Variants in CARMIL1 observed in about 807,000 individuals in gnomAD.
CARMIL1 encodes capping protein regulator and myosin 1 linker 1.
In CARMIL1, 90 loss-of-function variants were observed where a neutral mutation model predicts 177.1. The observed-to-expected ratio is 0.51, with a 90% CI of 0.43 to 0.61. CARMIL1 has a LOEUF of 0.61. Among genes scored for constraint, CARMIL1 ranks in the 20% least tolerant of loss-of-function variants. The pLI, the probability that CARMIL1 is intolerant of heterozygous loss-of-function variation, is 0.00. For synonymous variants in CARMIL1, 577 were observed against 606.2 expected (o/e 0.95, Z 0.71); for missense variants, 1,380 against 1,667.0 (o/e 0.83, Z 3.00).
At chr6:25,563,396 G>A in intron 29 of CARMIL1, 1 of 985,084 alleles carries the variant, frequency 1.0e-6, no homozygotes, top group South Asian at 4.7e-5. Flanking sequence ...AAATACTAAG[G>A]ATGTAATTCT....
chr6:25,431,773 C>T (rs944040699), intron 4 of CARMIL1, among the ~76,000 whole-genome samples: 2 of 152,050 alleles, frequency 1.3e-5, no homozygotes, highest in African/African-American at 4.8e-5. Flanking sequence ...ATATGCGTAC[C>T]ATTCAGAGGA....
chr6:25,421,827 A>AG (rs1795884678), intron 3 of CARMIL1, among the ~76,000 whole-genome samples: 1 of 137,456 alleles, frequency 7.3e-6, no homozygotes, highest in Admixed American at 8.1e-5. Flanking sequence ...CAATGAGAAC[A>AG]GATGGACACA....
intron 27 of CARMIL1, among the ~76,000 whole-genome samples, chr6:25,551,474 A>C (rs960554548): frequency 3.9e-5 from 6 of 152,170 alleles, no homozygotes; most frequent in African/African-American, 1.2e-4. Flanking sequence ...ACAGCCTCTA[A>C]ATAGGGAGAG....
chr6:25,386,027 T>C (rs1295411195), intron 2 of CARMIL1, among the ~76,000 whole-genome samples: 1 of 152,220 alleles, frequency 6.6e-6, no homozygotes, highest in Non-Finnish European at 1.5e-5. Flanking sequence ...CTCTCAACCA[T>C]AGCTAACTTG....
chr6:25,282,205 T>C (rs979512612), intron 1 of CARMIL1, among the ~76,000 whole-genome samples: 3 of 152,044 alleles, frequency 2.0e-5, no homozygotes, highest in Non-Finnish European at 4.4e-5. Context: ...ATGTCACTCC[T>C]GTTACCACTT....
chr6:25,528,944 T>G (rs555746351), intron 24 of CARMIL1, 51 bp downstream of exon 24: 1 of 1,399,164 alleles, frequency 7.1e-7, no homozygotes, highest in South Asian at 1.2e-5. Context: ...ACTGACCCTC[T>G]GAGAGCAAAG....
chr6:25,347,963 A>G (rs993510542), intron 2 of CARMIL1, among the ~76,000 whole-genome samples: 1 of 152,336 alleles, frequency 6.6e-6, no homozygotes, highest in Non-Finnish European at 1.5e-5. Context: ...ATGAGAGTGT[A>G]CAGTAAGTCC....
intron 2 of CARMIL1, among the ~76,000 whole-genome samples, chr6:25,372,953 G>A (rs929874556): frequency 2.0e-5 from 3 of 152,092 alleles, no homozygotes; most frequent in Non-Finnish European, 1.5e-5. Context: ...TTATCATAAA[G>A]GGATGCTGGA....
chr6:25,582,711 A>G (rs1813238036), intron 31 of CARMIL1, among the ~76,000 whole-genome samples: 1 of 152,048 alleles, frequency 6.6e-6, no homozygotes, highest in South Asian at 2.1e-4. Flanking sequence ...GCTGAGAACT[A>G]CTTTCAAATT....
intron 25 of CARMIL1, among the ~76,000 whole-genome samples, chr6:25,539,068 T>C (rs890556093): frequency 6.6e-6 from 1 of 152,036 alleles, no homozygotes; most frequent in Non-Finnish European, 1.5e-5. Context: ...GTTTGGCTCC[T>C]CCTGAGCTGT....
At chr6:25,555,191 A>AT (rs1258672497) in intron 28 of CARMIL1, among the ~76,000 whole-genome samples, 1 of 151,978 alleles carries the variant, frequency 6.6e-6, no homozygotes, top group Non-Finnish European at 1.5e-5. Flanking sequence ...TATCTTTCTG[A>AT]TTTTTCTTTT....
rs146394042 is a variant in CARMIL1, at chr6:25,361,999, G to T, written c.139-58115G>T. 5.7e-3 allele frequency among the ~76,000 whole-genome samples: 867 copies of T among 152,132 alleles called. 8 individuals are homozygous for T. The highest frequency in any genetic ancestry group is 0.02 in the African/African-American group (815 of 41,530). On this transcript the variant is annotated intron_variant, in intron 2 of 36. Coordinates refer to ENST00000329474, the MANE Select transcript of CARMIL1 (RefSeq NM_017640.6). ...GAAAAAAAGAAATTAAAAAAAGAAA[G>T]AAAAAATTTTAAAAAATTCTTTTGA...
chr6:25,289,501 A>G (rs1031639481), intron 2 of CARMIL1, among the ~76,000 whole-genome samples: 6 of 152,206 alleles, frequency 3.9e-5, no homozygotes, highest in Non-Finnish European at 5.9e-5. Context: ...AAATTACAGT[A>G]TAATGTCACA....
chr6:25,377,965 G>C (rs1171888259), intron 2 of CARMIL1, among the ~76,000 whole-genome samples: 1 of 152,084 alleles, frequency 6.6e-6, no homozygotes, highest in African/African-American at 2.4e-5. Flanking sequence ...AAAAGTTTCT[G>C]TTCTTTTTAT....
At chr6:25,517,999 G>A (rs185961246) in intron 22 of CARMIL1, among the ~76,000 whole-genome samples, 27 of 152,284 alleles carry the variant, frequency 1.8e-4, no homozygotes, top group African/African-American at 6.3e-4. Context: ...TACTAGGAAT[G>A]TGGTTCTTTC....
chr6:25,445,700 A>G (rs924580926), intron 5 of CARMIL1, among the ~76,000 whole-genome samples: 21 of 151,598 alleles, frequency 1.4e-4, no homozygotes, highest in African/African-American at 5.1e-4. Context: ...AGGTCCGGCT[A>G]ATTTTTTTTT....
chr6:25,395,413 A>G (rs1360869630), intron 2 of CARMIL1, among the ~76,000 whole-genome samples: 4 of 152,236 alleles, frequency 2.6e-5, no homozygotes, highest in East Asian at 1.9e-4. Context: ...TCTTTGGACT[A>G]TGCAAATCTT....
chr6:25,512,696 A>G (rs574578), intron 20 of CARMIL1, among the ~76,000 whole-genome samples: 66,381 of 152,024 alleles, frequency 0.44, 14,892 homozygotes, highest in Middle Eastern at 0.52. Flanking sequence ...ATTATGTTCA[A>G]TTGAAAAACC....
At chr6:25,513,578 G>C (rs1805660396) in intron 20 of CARMIL1, among the ~76,000 whole-genome samples, 1 of 152,176 alleles carries the variant, frequency 6.6e-6, no homozygotes, top group Admixed American at 6.5e-5. Flanking sequence ...ATGCTTTGTT[G>C]ATATCTGAGT....
Sources: allele counts gnomAD v4.1 joint callset (sites outside exome capture counted in the v4.1 genomes callset), GRCh38; gene constraint gnomAD v4.1.1; transcripts MANE v1.5; gene names NCBI Gene and HGNC (gene_info 2026-07-23, HGNC 2026-07-21).